The following PPP6R3 variants were observed in gnomAD, a reference collection of about 807,000 sequenced individuals.
PPP6R3 encodes the protein protein phosphatase 6 regulatory subunit 3.
Under a neutral mutation model 110.7 loss-of-function variants are expected in PPP6R3, and 38 were observed. The observed-to-expected ratio is 0.34, with a 90% confidence interval of 0.26 to 0.45. PPP6R3 has a LOEUF of 0.45. Ranked by LOEUF, PPP6R3 falls within the 20% of genes least tolerant of loss-of-function variation. PPP6R3 has a pLI of 1.00. For synonymous variants in PPP6R3, 369 were observed against 373.5 expected, an observed-to-expected ratio of 0.99 and a Z score of 0.14; for missense variants, 870 against 1,062.4, an observed-to-expected ratio of 0.82 and a Z score of 2.52.
chr11:68,567,286 A>G, intron 10 of PPP6R3, 120 bp downstream of exon 10: 1 of 1,099,080 alleles, frequency 9.1e-7, no homozygotes, highest in Non-Finnish European at 1.2e-6. Flanking sequence ...CTGAGCATAA[A>G]TGGTGTTTTA....
At chr11:68,487,272 G>A (rs1363341895) in intron 1 of PPP6R3, among the ~76,000 whole-genome samples, 2 of 151,964 alleles carry the variant, frequency 1.3e-5, no homozygotes, top group East Asian at 3.9e-4. Context: ...ATTTTTCAAG[G>A]CCAGGTGCAA....
rs372113258 is a variant in PPP6R3 at position 68,510,054 on chromosome 11, CTTTTTTTT to C, written c.-157-9433_-157-9426del. ...ACAGGTGTGAGCTACTGTGCTCGGC[CTTTTTTTT>C]TTTTTTTTTTTTTGATAAGTTTTGT... On this transcript the variant is annotated intron_variant, in intron 1 of 23. Coordinates refer to ENST00000393800, the MANE Select transcript of PPP6R3 (RefSeq NM_001164161.2). 3.2e-4 allele frequency among the ~76,000 whole-genome samples: 25 copies of C among 76,968 alleles called. No homozygotes were observed. The East Asian group carries it at 4.3e-3, about 13-fold the overall frequency. The allele number at this position is 76,968 out of a possible 152,430, so 50.5% of individuals were successfully genotyped here.
At chr11:68,556,888 T>C (rs1188698548) in intron 7 of PPP6R3, among the ~76,000 whole-genome samples, 1 of 152,254 alleles carries the variant, frequency 6.6e-6, no homozygotes, top group Non-Finnish European at 1.5e-5. Context: ...CTGGTTATTA[T>C]GTTTTTCTTG....
intron 2 of PPP6R3, among the ~76,000 whole-genome samples, chr11:68,521,493 T>C (rs1387977682): frequency 2.6e-5 from 4 of 152,198 alleles, no homozygotes; most frequent in Non-Finnish European, 5.9e-5. Context: ...TCCTCCTCCT[T>C]TTACACATCT....
At chr11:68,492,824 G>T (rs1165886725) in intron 1 of PPP6R3, among the ~76,000 whole-genome samples, 1 of 152,130 alleles carries the variant, frequency 6.6e-6, no homozygotes, top group South Asian at 2.1e-4. Context: ...AAGCATTGTT[G>T]GTTGCTTAAA....
chr11:68,471,986 G>A (rs2098795334), intron 1 of PPP6R3, among the ~76,000 whole-genome samples: 1 of 152,052 alleles, frequency 6.6e-6, no homozygotes, highest in Admixed American at 6.5e-5. Flanking sequence ...GGGCTGGCGG[G>A]GTGTGAGGAG....
intron 2 of PPP6R3, chr11:68,522,393 T>C (rs1169626611): frequency 6.6e-6 from 1 of 152,232 alleles, no homozygotes; most frequent in Non-Finnish European, 1.5e-5. Flanking sequence ...ATTAATGTAG[T>C]AGATGATTCA....
At chr11:68,477,741 A>AAAATATATATATATATATATATATATAT in intron 1 of PPP6R3, among the ~76,000 whole-genome samples, 2 of 57,906 alleles carry the variant, frequency 3.5e-5, no homozygotes, top group African/African-American at 7.1e-5. Flanking sequence ...AAAAAAAAAA[A>AAAATATATATATATATATATATATATAT]ATATATATAT....
intron 8 of PPP6R3, among the ~76,000 whole-genome samples, chr11:68,561,773 T>A (rs1248619706): frequency 1.3e-5 from 2 of 152,204 alleles, no homozygotes; most frequent in Non-Finnish European, 2.9e-5. Flanking sequence ...TCATTTTATT[T>A]ATATTTTTTG....
intron 18 of PPP6R3, among the ~76,000 whole-genome samples, chr11:68,595,581 C>T (rs2099611463): frequency 6.6e-6 from 1 of 152,144 alleles, no homozygotes; most frequent in Non-Finnish European, 1.5e-5. Context: ...TCAAATGACA[C>T]TTTTAATAGA....
chr11:68,602,214 G>A (rs938837298), intron 21 of PPP6R3, among the ~76,000 whole-genome samples: 1 of 152,218 alleles, frequency 6.6e-6, no homozygotes, highest in African/African-American at 2.4e-5. Flanking sequence ...AGGTCTAGAG[G>A]GAAGAAGGCC....
chr11:68,491,115 A>G (rs1218785757), intron 1 of PPP6R3, among the ~76,000 whole-genome samples: 1 of 150,630 alleles, frequency 6.6e-6, no homozygotes, highest in Non-Finnish European at 1.5e-5. Flanking sequence ...TGAGCCTAGG[A>G]AGTTGAGGCT....
At chr11:68,485,274 T>C (rs924211186) in intron 1 of PPP6R3, among the ~76,000 whole-genome samples, 1 of 102,680 alleles carries the variant, frequency 9.7e-6, no homozygotes, top group African/African-American at 3.8e-5. Flanking sequence ...GTTCTGGGAC[T>C]TTTTTTTTTT....
intron 14 of PPP6R3, 120 bp from the exon 15 acceptor site, chr11:68,582,921 CTT>C (rs2099566784): frequency 5.0e-6 from 4 of 798,170 alleles, no homozygotes; most frequent in Admixed American, 3.1e-5. Flanking sequence ...CTGTGACTGA[CTT>C]TCATTTTTTT....
At chr11:68,609,449 C>T (rs766341775) in intron 22 of PPP6R3, 1 of 845,124 alleles carries the variant, frequency 1.2e-6, no homozygotes, top group Non-Finnish European at 2.0e-6. Flanking sequence ...AGTGCTTTAA[C>T]TAAAGACTCA....
chr11:68,502,635 G>A (rs906935425), intron 1 of PPP6R3, among the ~76,000 whole-genome samples: 19 of 152,170 alleles, frequency 1.2e-4, no homozygotes, highest in Admixed American at 3.3e-4. Context: ...AGTGTAAGGC[G>A]GAACTGACAA....
chr11:68,582,948 G>GA, intron 14 of PPP6R3, 95 bp from the exon 15 acceptor site: 1 of 993,550 alleles, frequency 1.0e-6, no homozygotes, highest in Non-Finnish European at 1.5e-6. Flanking sequence ...TACACGTTGA[G>GA]AAAAAAACTA....
In PPP6R3 at chr11:68,574,163, C is replaced by T; in HGVS notation, c.1398C>T (p.Asn466=). The part of the protein sequence containing the change: ...GYMGHLTRIA[N]CIVHSTDKGP... Reference sequence around the variant, plus strand: ...TGGGACACCTAACGAGGATAGCTAACTGTATCGTGCACAGCACTGACAAGG... The same window carrying T: ...TGGGACACCTAACGAGGATAGCTAATTGTATCGTGCACAGCACTGACAAGG... The change falls in exon 13 of 24, where the codon AAC becomes AAT. Residue 466 remains asparagine (N), a synonymous_variant. Transcript: ENST00000393800. 1 of 1,614,080 alleles carries T rather than the reference C, an allele frequency of 6.2e-7. No homozygotes were observed. The highest frequency in any genetic ancestry group is 8.5e-7 in the Non-Finnish European group (1 of 1,179,944).
intron 19 of PPP6R3, among the ~76,000 whole-genome samples, chr11:68,600,104 A>G (rs1036857857): frequency 3.9e-5 from 6 of 152,110 alleles, no homozygotes; most frequent in African/African-American, 1.4e-4. Context: ...CCTGGGCGAC[A>G]GAGCGAGACT....
Sources: gnomAD v4.1 joint callset for allele counts (sites outside exome capture counted in the v4.1 genomes callset) on GRCh38, gnomAD v4.1.1 for gene constraint, MANE v1.5 for transcripts, NCBI Gene and HGNC (gene_info 2026-07-23, HGNC 2026-07-21) for gene names.